APRT: variants seen among roughly 807,000 people sequenced by gnomAD.
APRT encodes the protein adenine phosphoribosyltransferase, also known as AMP diphosphorylase.
A neutral mutation model predicts 21.0 loss-of-function variants in APRT; 25 were observed. The observed-to-expected ratio is 1.19, with a 90% CI of 0.87 to 1.66. The LOEUF (loss-of-function observed/expected upper bound fraction) is 1.66, where lower values mean the gene tolerates loss of function less well. APRT is among the 40% of genes most tolerant of loss of function. APRT has a pLI of 0.00. For missense variants in APRT, 294 were observed against 232.7 expected (o/e 1.26, Z -1.72); for synonymous variants, 153 against 109.0 (o/e 1.40, Z -2.52).
chr16:88,810,742 T>A (rs1909101152), intron 2 of APRT, among the ~76,000 whole-genome samples, 186 bp from the exon 3 acceptor site: 1 of 152,180 alleles, frequency 6.6e-6, no homozygotes, highest in Non-Finnish European at 1.5e-5. Flanking sequence ...GGGTCTGTCT[T>A]TTAAGGGACC....
chr16:88,811,401 C>T (rs941036450), intron 2 of APRT, 149 bp downstream of exon 2: 1 of 848,834 alleles, frequency 1.2e-6, no homozygotes, highest in Non-Finnish European at 1.8e-6. Context: ...ATCTCACAAC[C>T]CTTCCCGGGC....
In APRT at chr16:88,810,115, G is replaced by A; in HGVS notation, c.355C>T (p.Pro119Ser). 6.2e-7 allele frequency: 1 copy of A among 1,613,260 alleles called. No individual in the cohort carries two copies. The highest frequency in any genetic ancestry group is 8.5e-7 in the Non-Finnish European group (1 of 1,180,022). The change falls in exon 4 of 5, where the codon CCA becomes TCA. Residue 119 changes from proline (P) to serine (S), a missense_variant. By Grantham distance (74) the Pro-to-Ser change is moderately conservative. Transcript: ENST00000378364. ...ELEIQKDALE[P>S]GQRVVVVDDL... ...TCCACGACGACCACCCTCTGTCCTG[G>A]CTCCAGGGCGTCTTTCTGAATCTCC...
chr16:88,811,226 C>A, intron 2 of APRT: 1 of 489,926 alleles, frequency 2.0e-6, no homozygotes, highest in Non-Finnish European at 3.6e-6. Context: ...CGCTCAATAC[C>A]AGCTCGCAGA....
chr16:88,811,158 C>T (rs1909120165), intron 2 of APRT: 3 of 423,080 alleles, frequency 7.1e-6, no homozygotes, highest in African/African-American at 2.1e-5. Context: ...CTCCAGGCCT[C>T]CCTTCCCTGG....
In APRT at chr16:88,809,378, A is replaced by G. The variant is rs752258166; in HGVS notation, c.*320T>C. The G allele has an allele frequency of 2.2e-5, 11 of 505,036 alleles. No homozygotes were observed. The Middle Eastern group carries it at 2.6e-3, about 121-fold the overall frequency. The allele number at this position is 505,036 out of a possible 1,614,324, so 31.3% of individuals were successfully genotyped here. A position where few individuals can be genotyped will look rare whatever the true frequency, so the allele number is the denominator to read the frequency against. Reference sequence around the variant, plus strand: ...ACCAGGACAGGTTCTGCTGGGCATCACGCCAAGCAGCACATGCCCACAGTA... The same window carrying G: ...ACCAGGACAGGTTCTGCTGGGCATCGCGCCAAGCAGCACATGCCCACAGTA... On this transcript the variant is annotated 3_prime_UTR_variant, in exon 5 of 5. Transcript: ENST00000378364.
At position 88,809,365 on chromosome 16, in the gene APRT, TCTG is replaced by T. The variant is rs8191500; in HGVS notation, c.*330_*332del. The T allele has an allele frequency of 6.8e-3, 3,306 of 486,742 alleles. 90 individuals carry two copies. Among genetic ancestry groups the T allele is most frequent in the African/African-American group, 0.059 (3,042 of 51,720 alleles). The allele number at this position is 486,742 out of a possible 1,614,324, so 30.2% of individuals were successfully genotyped here. ...TCCTGAGGTGAGAACCAGGACAGGT[TCTG>T]CTGGGCATCACGCCAAGCAGCACAT... is the stretch of plus-strand genomic sequence containing the variant. On this transcript the variant is annotated 3_prime_UTR_variant, in exon 5 of 5. Coordinates refer to ENST00000378364, the MANE Select transcript of APRT (RefSeq NM_000485.3).
rs774501510 is a variant in APRT at position 88,811,828 on chromosome 16, C to A, written c.72G>T (p.Val24=). 2.5e-6 allele frequency: 4 copies of A among 1,569,974 alleles called. No individual in the cohort carries two copies. The highest frequency in any genetic ancestry group is 3.4e-6 in the Non-Finnish European group (4 of 1,159,430). The change falls in exon 1 of 5, where the codon GTG becomes GTT. Residue 24 remains valine, a synonymous_variant. Transcript: ENST00000378364. ...RSFPDFPTPG[V]VFRDISPVLK... ...GCGGCCTGTGCGTGCACCTGAATAC[C>A]ACGCCTGGGGTGGGGAAGTCGGGGA...
rs8191497 is a variant in APRT, at chr16:88,809,651, A to G, written c.*47T>C. ...GTCACTGCAGTTGCCCAAGGCTGAT[A>G]TTTCCCTGGGATCCAGCTGGAGATG... On this transcript the variant is annotated 3_prime_UTR_variant, in exon 5 of 5. Coordinates refer to ENST00000378364, the MANE Select transcript of APRT (RefSeq NM_000485.3). 21,165 of 1,612,214 alleles carry G rather than the reference A, an allele frequency of 0.013. 306 individuals carry two copies. The highest frequency in any genetic ancestry group is 0.043 in the South Asian group (3,917 of 91,040).
rs762079076 is a variant in APRT at position 88,811,837 on chromosome 16, G to T, written c.63C>A (p.Thr21=). The part of the protein sequence containing the change: ...QRIRSFPDFP[T]PGVVFRDISP... ...GCGTGCACCTGAATACCACGCCTGG[G>T]GTGGGGAAGTCGGGGAAGCTGCGGA... The change falls in exon 1 of 5, where the codon ACC becomes ACA. Residue 21 remains threonine (T), a synonymous_variant. Coordinates refer to ENST00000378364, the MANE Select transcript of APRT (RefSeq NM_000485.3). The T allele has an allele frequency of 4.5e-6, 7 of 1,572,428 alleles. No individual in the cohort carries two copies. The highest frequency in any genetic ancestry group is 1.4e-5 in the African/African-American group (1 of 73,678).
intron 4 of APRT, 112 bp downstream of exon 4, chr16:88,809,958 C>T: frequency 5.1e-6 from 8 of 1,568,806 alleles, no homozygotes; most frequent in Middle Eastern, 1.9e-4. Flanking sequence ...GGCCTGGCCA[C>T]CAGGCACCCT....
chr16:88,809,681 G>T lies in APRT; in HGVS notation c.*17C>A. 6.2e-7 allele frequency: 1 copy of T among 1,613,172 alleles called. No individual in the cohort carries two copies. Among genetic ancestry groups the T allele is most frequent in the Non-Finnish European group, 8.5e-7 (1 of 1,179,930 alleles). ...CCTGGGATCCAGCTGGAGATGTTGG[G>T]CTGGGAGGCCCTGTGGTCACTCATA... On this transcript the variant is annotated 3_prime_UTR_variant, in exon 5 of 5. Transcript: ENST00000378364.
chr16:88,810,521 G>C lies in APRT; in HGVS notation c.223C>G (p.Leu75Val), dbSNP rs552995359. 10 of 1,612,126 alleles carry C rather than the reference G, an allele frequency of 6.2e-6. No homozygotes were observed. Among genetic ancestry groups the C allele is most frequent in the Non-Finnish European group, 8.5e-6 (10 of 1,179,934 alleles). The change falls in exon 3 of 5, where the codon CTG (leucine) becomes GTG (valine). Residue 75 changes from leucine to valine, a missense_variant. Coordinates refer to ENST00000378364, the MANE Select transcript of APRT (RefSeq NM_000485.3). ...DSRGFLFGPS[L>V]AQELGLGCVL... ...CAGCCCAGTCCAAGCTCCTGGGCCA[G>C]GGAGGGGCCAAAGAGGAAGCCTCGG...
Position 88,809,432 on chromosome 16 carries a change from T to G in APRT, c.*266A>C. 1.7e-6 allele frequency: 1 copy of G among 597,994 alleles called. No individual in the cohort carries two copies. Among genetic ancestry groups the G allele is most frequent in the South Asian group, 1.5e-5 (1 of 65,868 alleles). The allele number at this position is 597,994 out of a possible 1,614,324, so 37.0% of individuals were successfully genotyped here. On this transcript the variant is annotated 3_prime_UTR_variant, in exon 5 of 5. Coordinates refer to ENST00000378364, the MANE Select transcript of APRT (RefSeq NM_000485.3). ...CTGAAGTCTGGTGTTGTCCTGGGGCTCCCTGCCCTGGGGAACAGGAGGACA... is the reference window on the plus strand; with the variant it reads ...CTGAAGTCTGGTGTTGTCCTGGGGCGCCCTGCCCTGGGGAACAGGAGGACA...
At position 88,810,478 on chromosome 16, in the gene APRT, C is replaced by G. The variant is rs150156607; in HGVS notation, c.266G>C (p.Arg89Pro). Residue 89 changes from arginine to proline, a missense_variant, in exon 3 of 5, where the codon CGG becomes CCG. Arg to Pro is a moderately radical substitution (Grantham distance 103). Coordinates refer to ENST00000378364, the MANE Select transcript of APRT (RefSeq NM_000485.3). ...CAGAGTGGGGCCTGGCAGCTTCCCC[C>G]GCTTTCGGATGAGCACGCAGCCCAG... ...LGLGCVLIRK[R>P]GKLPGPTLWA... is the part of the protein sequence containing the mutation. 8 of 1,612,300 alleles carry G rather than the reference C, an allele frequency of 5.0e-6. No individual in the cohort carries two copies. Among genetic ancestry groups the G allele is most frequent in the East Asian group, 2.2e-5 (1 of 44,872 alleles).
chr16:88,810,250 T>TG lies in APRT; in HGVS notation c.322-103dup, dbSNP rs8191490. ...CTAGACCCTGACTCCAACCCCACCT[T>TG]GCTGTTACCTGGCTGTGTGAGCCCA... On this transcript the variant is annotated intron_variant, in intron 3 of 4. Coordinates refer to ENST00000378364, the MANE Select transcript of APRT (RefSeq NM_000485.3). 7.2e-3 allele frequency: 10,814 copies of TG among 1,509,432 alleles called. 44 individuals are homozygous for TG. Among genetic ancestry groups the TG allele is most frequent in the Non-Finnish European group, 8.6e-3 (9,398 of 1,098,928 alleles). 93.5% of individuals were successfully genotyped at this position (1,509,432 alleles called of 1,614,324 possible). A position where few individuals can be genotyped will look rare whatever the true frequency, so the allele number is the denominator to read the frequency against.
rs1909057097 is a variant in APRT, at chr16:88,810,086, A to C, written c.384T>G (p.Asp128Glu). ...GACCCTTACCACCAGTGGCCAGCAGATCATCCACGACGACCACCCTCTGTC... is the reference window on the plus strand; with the variant it reads ...GACCCTTACCACCAGTGGCCAGCAGCTCATCCACGACGACCACCCTCTGTC... ...EPGQRVVVVD[D>E]LLATGGTMNA... Residue 128 changes from aspartate to glutamate, a missense_variant, in exon 4 of 5, where the codon GAT becomes GAG. Transcript: ENST00000378364. The C allele has an allele frequency of 1.2e-6, 2 of 1,613,132 alleles. No homozygotes were observed. Among genetic ancestry groups the C allele is most frequent in the Non-Finnish European group, 8.5e-7 (1 of 1,180,036 alleles).
chr16:88,809,855 G>T lies in APRT; in HGVS notation c.401-15C>A. The T allele has an allele frequency of 6.2e-7, 1 of 1,609,596 alleles. No homozygotes were observed. The highest frequency in any genetic ancestry group is 8.5e-7 in the Non-Finnish European group (1 of 1,179,588). On this transcript the variant is annotated splice_polypyrimidine_tract_variant and intron_variant, in intron 4 of 4. Coordinates refer to ENST00000378364, the MANE Select transcript of APRT (RefSeq NM_000485.3). ...GTTCATGGTTCCTGGGGATGGGAGG[G>T]TGAGGTCCCCAGTTGGCCTGGGCTG...
chr16:88,810,174 C>T (rs746096749), intron 3 of APRT, 26 bp from the exon 4 acceptor site: 1 of 1,609,126 alleles, frequency 6.2e-7, no homozygotes, highest in Non-Finnish European at 8.5e-7. Flanking sequence ...GTGTGTGGTC[C>T]TCAGCCTCCC....
At chr16:88,810,916 A>G (rs1909108943) in intron 2 of APRT, among the ~76,000 whole-genome samples, 1 of 152,022 alleles carries the variant, frequency 6.6e-6, no homozygotes, top group Non-Finnish European at 1.5e-5. Flanking sequence ...AGGTGGCCTG[A>G]GCTGTGATGG....
Sources: gnomAD v4.1 joint callset for allele counts (sites outside exome capture counted in the v4.1 genomes callset) on GRCh38, gnomAD v4.1.1 for gene constraint, MANE v1.5 for transcripts, NCBI Gene and HGNC (gene_info 2026-07-23, HGNC 2026-07-21) for gene names.